The following SRSF12 variants were observed in gnomAD, a reference collection of about 807,000 sequenced individuals.
The protein encoded by SRSF12 is serine/arginine-rich splicing factor 12.
SRSF12 carries 21 observed loss-of-function variants against 34.1 expected under a neutral mutation model. The observed-to-expected ratio is 0.62, with a 90% CI of 0.44 to 0.89. The LOEUF (loss-of-function observed/expected upper bound fraction) is 0.89. Ranked by LOEUF, SRSF12 falls within the 40% of genes least tolerant of loss-of-function variation. SRSF12 has a pLI of 0.00. For synonymous variants in SRSF12, 111 were observed against 110.8 expected, an observed-to-expected ratio of 1.00 and a Z score of -0.01; for missense variants, 278 against 327.8, an observed-to-expected ratio of 0.85 and a Z score of 1.17.
In SRSF12 at chr6:89,107,153, T is replaced by C. The variant is rs1768829497; in HGVS notation, c.170+1A>G. 1 of 1,613,264 alleles carries C rather than the reference T, an allele frequency of 6.2e-7. No homozygotes were observed. The highest frequency in any genetic ancestry group is 8.5e-7 in the Non-Finnish European group (1 of 1,179,418). On this transcript the variant is annotated splice_donor_variant, in intron 2 of 4. Transcript: ENST00000452027. LOFTEE classifies it high-confidence loss of function. ...CATGCACACAATAAAATAAAGGATA[T>C]TGAACATAAGCAAATCCTCTTGGGC...
At chr6:89,102,829 G>A (rs1450746320) in intron 4 of SRSF12, among the ~76,000 whole-genome samples, 1 of 152,160 alleles carries the variant, frequency 6.6e-6, no homozygotes, top group Non-Finnish European at 1.5e-5. Context: ...ATGGCTCACT[G>A]CAGCCTTGAC....
chr6:89,098,591 T>G lies in SRSF12; in HGVS notation c.773A>C (p.Lys258Thr). The G allele has an allele frequency of 1.9e-6, 3 of 1,610,896 alleles. No homozygotes were observed. Among genetic ancestry groups the G allele is most frequent in the Non-Finnish European group, 2.5e-6 (3 of 1,177,440 alleles). Residue 258 changes from lysine to threonine, a missense_variant, in exon 5 of 5, where the codon AAA becomes ACA. Lys to Thr is a moderately conservative substitution (Grantham distance 78, BLOSUM62 -1). Transcript: ENST00000452027. ...TTCTGTTGCTGTTCACCAACTGTTT[T>G]TATGACGATAACTTCGAGATCTGGA... ...SHSRSRSYRH[K>T]NSW
chr6:89,105,296 G>A (rs771798831), intron 3 of SRSF12, 36 bp from the exon 4 acceptor site: 31 of 1,583,328 alleles, frequency 2.0e-5, no homozygotes, highest in Middle Eastern at 3.4e-4. Context: ...GACATAATTC[G>A]TTACCTGAAC....
rs1230068768 is a variant in SRSF12, at chr6:89,117,934, C to A, written c.-47G>T. The A allele has an allele frequency of 1.3e-6, 2 of 1,528,670 alleles. No homozygotes were observed. Among genetic ancestry groups the A allele is most frequent in the Non-Finnish European group, 1.8e-6 (2 of 1,138,846 alleles). 94.7% of individuals were successfully genotyped at this position (1,528,670 alleles called of 1,614,324 possible). ...CGGGTCTGCCCGCGGCCGCTGGACT[C>A]GCTCCGTCTCCCGCTACCGCTGCTA... On this transcript the variant is annotated 5_prime_UTR_variant, in exon 1 of 5. Coordinates refer to ENST00000452027, the MANE Select transcript of SRSF12 (RefSeq NM_080743.5).
At position 89,118,010 on chromosome 6, in the gene SRSF12, C is replaced by T; in HGVS notation, c.-123G>A. 2.0e-6 allele frequency: 2 copies of T among 1,003,504 alleles called. No individual in the cohort carries two copies. Among genetic ancestry groups the T allele is most frequent in the Non-Finnish European group, 2.8e-6 (2 of 719,174 alleles). 62.2% of individuals were successfully genotyped at this position (1,003,504 alleles called of 1,614,324 possible). A position where few individuals can be genotyped will look rare whatever the true frequency, so the allele number is the denominator to read the frequency against. On this transcript the variant is annotated 5_prime_UTR_variant, in exon 1 of 5. Coordinates refer to ENST00000452027, the MANE Select transcript of SRSF12 (RefSeq NM_080743.5). Reference sequence around the variant, plus strand: ...CGGCGCGACCCCCACCCCTCGGCCTCAGCCCCGCCAGCGCGCAGCCGCAGA... The same window carrying T: ...CGGCGCGACCCCCACCCCTCGGCCTTAGCCCCGCCAGCGCGCAGCCGCAGA...
At chr6:89,105,726 AGAGT>A (rs1434645004) in intron 2 of SRSF12, 196 bp from the exon 3 acceptor site, 2 of 361,286 alleles carry the variant, frequency 5.5e-6, no homozygotes, top group Non-Finnish European at 9.9e-6. Flanking sequence ...TATGTTTAGA[AGAGT>A]GAGTCTAAAA....
chr6:89,105,609 A>G, intron 2 of SRSF12, 79 bp from the exon 3 acceptor site: 3 of 1,023,542 alleles, frequency 2.9e-6, no homozygotes, highest in Non-Finnish European at 4.1e-6. Context: ...ATGTGAAATG[A>G]AATTAATAGG....
chr6:89,110,382 G>T (rs1020231981), intron 1 of SRSF12, among the ~76,000 whole-genome samples: 2 of 152,150 alleles, frequency 1.3e-5, no homozygotes, highest in African/African-American at 4.8e-5. Context: ...TACCCTCTAA[G>T]GTTTCCCACT....
rs1418483010 is a variant in SRSF12, at chr6:89,118,070, C to A, written c.-183G>T. ...AGAGGGGGCGCAGCGCGGCGCCAGCCTGGACGCACGGGCCGGGGGCGGGGG... is the reference window on the plus strand; with the variant it reads ...AGAGGGGGCGCAGCGCGGCGCCAGCATGGACGCACGGGCCGGGGGCGGGGG... On this transcript the variant is annotated 5_prime_UTR_variant, in exon 1 of 5. In the 5' UTR this introduces an upstream ATG that the reference lacks. Transcript: ENST00000452027. The A allele has an allele frequency of 1.2e-5, 3 of 247,566 alleles. No individual in the cohort carries two copies. Among genetic ancestry groups the A allele is most frequent in the Non-Finnish European group, 2.0e-5 (3 of 153,010 alleles). The allele number at this position is 247,566 out of a possible 1,614,324, so 15.3% of individuals were successfully genotyped here. A position where few individuals can be genotyped will look rare whatever the true frequency, so the allele number is the denominator to read the frequency against.
In SRSF12 at chr6:89,099,417, T is replaced by TATATATGTGTATATATATACACAC. The variant is rs1562191830; in HGVS notation, c.417-471_417-470insGTGTGTATATATATACACATATAT. On this transcript the variant is annotated intron_variant, in intron 4 of 4. Transcript: ENST00000452027. ...CTCTCTCTCTCCATATATATATACA[T>TATATATGTGTATATATATACACAC]ATATATATGTGTGTATATATATACA... is the stretch of plus-strand genomic sequence containing the variant. Among the ~76,000 whole-genome samples the TATATATGTGTATATATATACACAC allele has an allele frequency of 3.5e-3, 465 of 131,710 alleles. 13 individuals carry two copies. The highest frequency in any genetic ancestry group is 0.014 in the African/African-American group (434 of 30,226). The allele number at this position is 131,710 out of a possible 152,430, so 86.4% of individuals were successfully genotyped here.
In SRSF12 at chr6:89,105,530, T is replaced by C; in HGVS notation, c.171A>G (p.Gln57=). 2 of 1,598,122 alleles carry C rather than the reference T, an allele frequency of 1.3e-6. No individual in the cohort carries two copies. The highest frequency in any genetic ancestry group is 1.7e-6 in the Non-Finnish European group (2 of 1,173,682). The part of the protein sequence containing the change: ...TRRPRGFAYV[Q]FEDVRDAEDA... ...CTTCAGCATCTCGAACATCTTCAAA[T>C]ATGACTAGCTGTTAAGGACACTTTG... Residue 57 remains glutamine, a splice_region_variant and synonymous_variant, in exon 3 of 5, where the codon CAA becomes CAG. Transcript: ENST00000452027.
At chr6:89,100,886 C>A (rs1441186760) in intron 4 of SRSF12, among the ~76,000 whole-genome samples, 1 of 152,000 alleles carries the variant, frequency 6.6e-6, no homozygotes, top group Admixed American at 6.6e-5. Flanking sequence ...GAGTGGATCA[C>A]CTGAGGTCAG....
chr6:89,115,401 G>T (rs896715546), intron 1 of SRSF12, among the ~76,000 whole-genome samples: 2 of 151,982 alleles, frequency 1.3e-5, no homozygotes, highest in African/African-American at 4.8e-5. Context: ...TCGTGCCTCA[G>T]TCTCCTGAGT....
At chr6:89,099,729 T>A (rs1768451701) in intron 4 of SRSF12, among the ~76,000 whole-genome samples, 1 of 151,988 alleles carries the variant, frequency 6.6e-6, no homozygotes, top group South Asian at 2.1e-4. Flanking sequence ...GAGATGGGAT[T>A]TCTCCATGTT....
intron 1 of SRSF12, among the ~76,000 whole-genome samples, chr6:89,113,889 C>T (rs561174959): frequency 2.2e-4 from 33 of 152,184 alleles, no homozygotes; most frequent in South Asian, 6.2e-4. Flanking sequence ...GTGATCTACC[C>T]ACCTCAGCCT....
intron 1 of SRSF12, among the ~76,000 whole-genome samples, chr6:89,117,580 G>A (rs561156093): frequency 7.3e-4 from 111 of 152,310 alleles, no homozygotes; most frequent in South Asian, 3.5e-3. Context: ...AAGCGACGCG[G>A]GCCCGGGACA....
chr6:89,101,551 G>A (rs999066955), intron 4 of SRSF12, among the ~76,000 whole-genome samples: 145 of 152,102 alleles, frequency 9.5e-4, no homozygotes, highest in African/African-American at 3.3e-3. Context: ...GAGAAACTCC[G>A]CCTCTACTAA....
rs192774889 is a variant in SRSF12, at chr6:89,117,037, C to T, written c.65+786G>A. Among the ~76,000 whole-genome samples, 509 of 152,138 alleles carry T rather than the reference C, an allele frequency of 3.3e-3. 3 individuals carry two copies. The highest frequency in any genetic ancestry group is 4.2e-3 in the Non-Finnish European group (288 of 68,006). ...TGTCTATTAACACCGTTCCCTCTCCCCCCGCCCCCAATTTCTTCAGCTCCA... is the reference window on the plus strand; with the variant it reads ...TGTCTATTAACACCGTTCCCTCTCCTCCCGCCCCCAATTTCTTCAGCTCCA... On this transcript the variant is annotated intron_variant, in intron 1 of 4. Transcript: ENST00000452027.
At chr6:89,105,577 A>C (rs772601317) in intron 2 of SRSF12, 47 bp from the exon 3 acceptor site, 2 of 1,345,824 alleles carry the variant, frequency 1.5e-6, no homozygotes, top group Non-Finnish European at 2.0e-6. Flanking sequence ...TCAAGTAAAC[A>C]TATTTTAAAA....
Sources: gnomAD v4.1 joint callset for allele counts (sites outside exome capture counted in the v4.1 genomes callset) on GRCh38, gnomAD v4.1.1 for gene constraint, MANE v1.5 for transcripts, NCBI Gene and HGNC (gene_info 2026-07-23, HGNC 2026-07-21) for gene names.